MASP1: variants seen among roughly 807,000 people sequenced by gnomAD.
MASP1 encodes the protein mannan-binding lectin serine protease 1.
MASP1 carries 59 observed loss-of-function variants against 77.1 expected under a neutral mutation model. The observed-to-expected ratio is 0.77, with a 90% CI of 0.62 to 0.95. The LOEUF is 0.95. MASP1 is among the 40% of genes least tolerant of loss of function. MASP1 has a pLI of 0.00. For missense variants in MASP1, 885 were observed against 912.9 expected (o/e 0.97, Z 0.39); for synonymous variants, 362 against 354.5 (o/e 1.02, Z -0.24).
chr3:187,276,841 C>T (rs1465894905), intron 2 of MASP1: 4 of 152,164 alleles, frequency 2.6e-5, no homozygotes, highest in African/African-American at 9.7e-5. Context: ...TCATTTCCTT[C>T]TGGGGCCAAG....
intron 2 of MASP1, among the ~76,000 whole-genome samples, chr3:187,271,578 C>T (rs1012235977): frequency 3.3e-5 from 5 of 152,034 alleles, no homozygotes; most frequent in South Asian, 2.1e-4. Context: ...GTTGAAAGTA[C>T]GCATTGAAAA....
At position 187,273,612 on chromosome 3, in the gene MASP1, C is replaced by T. The variant is rs577711041; in HGVS notation, c.238-10892G>A. 2.6e-5 allele frequency among the ~76,000 whole-genome samples: 4 copies of T among 152,298 alleles called. No individual in the cohort carries two copies. In the South Asian group the frequency reaches 8.3e-4, roughly 32 times the overall value. ...CACCTTCACGGAAAGTCCATCACTC[C>T]CAGCTGCTGGGCCAGTGGTTAATGG... On this transcript the variant is annotated intron_variant, in intron 2 of 10. Coordinates refer to ENST00000296280, the MANE Select transcript of MASP1 (RefSeq NM_139125.4).
chr3:187,285,462 T>A (rs1320877451), intron 2 of MASP1, among the ~76,000 whole-genome samples: 2 of 151,998 alleles, frequency 1.3e-5, no homozygotes, highest in Non-Finnish European at 2.9e-5. Flanking sequence ...TGGACATAAT[T>A]ATGGTTCTCT....
At chr3:187,286,101 C>A in intron 1 of MASP1, 45 bp from the exon 2 acceptor site, 1 of 1,448,466 alleles carries the variant, frequency 6.9e-7, no homozygotes, top group South Asian at 1.1e-5. Context: ...TAAACACAGG[C>A]CCCTGCCATT....
intron 9 of MASP1, 26 bp downstream of exon 9, chr3:187,243,458 G>A (rs1186903348): frequency 6.2e-7 from 1 of 1,613,766 alleles, no homozygotes; most frequent in East Asian, 2.2e-5. Context: ...AAACGGGAGT[G>A]GGATGGCTTA....
At chr3:187,270,599 AT>A (rs2108581123) in intron 2 of MASP1, among the ~76,000 whole-genome samples, 1 of 152,254 alleles carries the variant, frequency 6.6e-6, no homozygotes, top group Admixed American at 6.5e-5. Flanking sequence ...CAAAAATCCC[AT>A]GCCGTGGTCC....
chr3:187,241,624 C>T (rs1713649083), intron 9 of MASP1, 69 bp from the exon 10 acceptor site: 2 of 1,032,508 alleles, frequency 1.9e-6, no homozygotes, highest in African/African-American at 3.1e-5. Context: ...GAAAATAGAT[C>T]TGGGTATTTA....
rs2108532626 is a variant in MASP1, at chr3:187,247,496, G to A, written c.1090+2755C>T. ...AAGCAAAGCAGAAACAGTTTATGCA[G>A]GAAATACAGAAATTACTCCACCAGA... On this transcript the variant is annotated intron_variant, in intron 8 of 10. Transcript: ENST00000296280. 3.3e-6 allele frequency: 4 copies of A among 1,213,898 alleles called. No homozygotes were observed. In the South Asian group the frequency reaches 4.9e-5, roughly 15 times the overall value. 75.2% of individuals were successfully genotyped at this position (1,213,898 alleles called of 1,614,324 possible). A position where few individuals can be genotyped will look rare whatever the true frequency, so the allele number is the denominator to read the frequency against.
At chr3:187,283,165 C>G (rs1156847197) in intron 2 of MASP1, among the ~76,000 whole-genome samples, 2 of 152,208 alleles carry the variant, frequency 1.3e-5, no homozygotes, top group Non-Finnish European at 2.9e-5. Flanking sequence ...CTTGTGGTTT[C>G]AGGAAGGAGT....
At chr3:187,262,763 A>G (rs774759770) in intron 2 of MASP1, 43 bp from the exon 3 acceptor site, 2 of 1,580,538 alleles carry the variant, frequency 1.3e-6, no homozygotes, top group Non-Finnish European at 1.7e-6. Flanking sequence ...GCAGTTTCCC[A>G]GCTAGGCTTC....
At chr3:187,225,225 G>A (rs1323686449) in intron 13 of MASP1, 1 of 1,370,960 alleles carries the variant, frequency 7.3e-7, no homozygotes, top group African/African-American at 1.4e-5. Flanking sequence ...AGCAGACACT[G>A]TCAGCTGACT....
At chr3:187,253,432 AC>A in intron 5 of MASP1, 117 bp from the exon 6 acceptor site, 1 of 1,011,496 alleles carries the variant, frequency 9.9e-7, no homozygotes, top group Non-Finnish European at 1.6e-6. Flanking sequence ...TTCCATATGA[AC>A]CCTTGGTATT....
chr3:187,276,912 G>T (rs1717011123), intron 2 of MASP1: 1 of 152,166 alleles, frequency 6.6e-6, no homozygotes, highest in African/African-American at 2.4e-5. Context: ...GAGTTCAGCC[G>T]GAAGGTCGAG....
chr3:187,290,034 A>G (rs1339971717), intron 1 of MASP1, among the ~76,000 whole-genome samples: 1 of 152,218 alleles, frequency 6.6e-6, no homozygotes, highest in East Asian at 1.9e-4. Flanking sequence ...CAATTCAACA[A>G]ATAGGTATTG....
chr3:187,222,668 T>C (rs1484511589), intron 14 of MASP1, among the ~76,000 whole-genome samples: 1 of 150,464 alleles, frequency 6.6e-6, no homozygotes, highest in Non-Finnish European at 1.5e-5. Flanking sequence ...GGCTCCTTAC[T>C]TTTAGTTAAG....
intron 2 of MASP1, among the ~76,000 whole-genome samples, chr3:187,272,462 A>C (rs1457987124): frequency 6.6e-6 from 1 of 152,182 alleles, no homozygotes; most frequent in Admixed American, 6.5e-5. Flanking sequence ...GTTTCTCTGC[A>C]TGTGACCTTA....
intron 4 of MASP1, 138 bp downstream of exon 4, chr3:187,260,603 C>T (rs1715480547): frequency 8.3e-7 from 1 of 1,204,852 alleles, no homozygotes; most frequent in African/African-American, 1.5e-5. Context: ...GCATCTTCAT[C>T]CATGTGGTGT....
In MASP1 at chr3:187,240,643, A is replaced by AT. The variant is rs537903297; in HGVS notation, c.1303+837dup. On this transcript the variant is annotated intron_variant, in intron 10 of 10. Transcript: ENST00000296280. ...AATCACCCATACTATTTATTTATTT[A>AT]TTTTTCAAGACAGAGTCTAGCTCTG... is the stretch of plus-strand genomic sequence containing the variant. 3.3e-3 allele frequency among the ~76,000 whole-genome samples: 498 copies of AT among 151,960 alleles called. 3 individuals are homozygous for AT. The highest frequency in any genetic ancestry group is 0.011 in the African/African-American group (470 of 41,440).
At chr3:187,228,837 T>G (rs1026867194) in intron 11 of MASP1, among the ~76,000 whole-genome samples, 7 of 152,218 alleles carry the variant, frequency 4.6e-5, no homozygotes, top group African/African-American at 1.7e-4. Flanking sequence ...GATAAATTCC[T>G]TGCAGAGTAG....
Sources: gnomAD v4.1 joint callset for allele counts (sites outside exome capture counted in the v4.1 genomes callset) on GRCh38, gnomAD v4.1.1 for gene constraint, MANE v1.5 for transcripts, NCBI Gene and HGNC (gene_info 2026-07-23, HGNC 2026-07-21) for gene names.